Variants in MARCHF1 observed in about 807,000 individuals in gnomAD.
The protein encoded by MARCHF1 is E3 ubiquitin-protein ligase MARCHF1.
In MARCHF1, 40 loss-of-function variants were observed where a neutral mutation model predicts 54.2. The ratio of observed to expected loss-of-function variants is 0.74; its 90% confidence interval spans 0.57 to 0.96. The LOEUF (loss-of-function observed/expected upper bound fraction) is 0.96. Among genes scored for constraint, MARCHF1 ranks in the 40% least tolerant of loss-of-function variants. The pLI, the probability that MARCHF1 is intolerant of heterozygous loss-of-function variation, is 0.00. For synonymous variants in MARCHF1, 236 were observed against 236.3 expected (o/e 1.00, Z 0.01); for missense variants, 586 against 656.5 (o/e 0.89, Z 1.17).
At chr4:164,222,222 CCTTT>C (rs1732135128) in intron 1 of MARCHF1, among the ~76,000 whole-genome samples, 1 of 150,772 alleles carries the variant, frequency 6.6e-6, no homozygotes, top group Non-Finnish European at 1.5e-5. Context: ...CCTGTCAACA[CCTTT>C]TTTTTTTTTT....
Position 164,177,009 on chromosome 4 carries a change from T to TATATACATAC in MARCHF1, c.-322-65348_-322-65347insGTATGTATAT, listed in dbSNP as rs1553989397. 7.2e-5 allele frequency among the ~76,000 whole-genome samples: 4 copies of TATATACATAC among 55,576 alleles called. 1 individual carries two copies. The highest frequency in any genetic ancestry group is 2.0e-4 in the Admixed American group (1 of 4,896). 36.5% of individuals were successfully genotyped at this position (55,576 alleles called of 152,430 possible). A position where few individuals can be genotyped will look rare whatever the true frequency, so the allele number is the denominator to read the frequency against. On this transcript the variant is annotated intron_variant, in intron 1 of 9. Coordinates refer to ENST00000514618, the MANE Select transcript of MARCHF1 (RefSeq NM_001394959.1). ...ATATATATATATATATATATATATA[T>TATATACATAC]ACAAATGATAGAATTAGGCATGTTT...
At chr4:163,722,583 CT>C (rs2111295929) in intron 4 of MARCHF1, among the ~76,000 whole-genome samples, 1 of 152,248 alleles carries the variant, frequency 6.6e-6, no homozygotes, top group East Asian at 1.9e-4. Context: ...CCTGGATATC[CT>C]TGTTAACTTT....
At chr4:164,366,364 T>C (rs981287917) in intron 1 of MARCHF1, among the ~76,000 whole-genome samples, 6 of 152,046 alleles carry the variant, frequency 3.9e-5, no homozygotes, top group Admixed American at 1.3e-4. Context: ...TAGAAAAGAC[T>C]GTAGTGATAA....
intron 1 of MARCHF1, among the ~76,000 whole-genome samples, chr4:164,283,970 T>C (rs1366111490): frequency 6.6e-6 from 1 of 150,954 alleles, no homozygotes; most frequent in Admixed American, 6.7e-5. Context: ...CAAATGGTAC[T>C]TGTGGTTAAC....
intron 2 of MARCHF1, among the ~76,000 whole-genome samples, chr4:164,108,422 T>A (rs1446368853): frequency 1.3e-5 from 2 of 152,152 alleles, no homozygotes; most frequent in Non-Finnish European, 2.9e-5. Flanking sequence ...ATTCATTGTT[T>A]TTTTTTCTGC....
At chr4:163,848,252 A>G (rs536018626) in intron 4 of MARCHF1, among the ~76,000 whole-genome samples, 1 of 152,178 alleles carries the variant, frequency 6.6e-6, no homozygotes, top group South Asian at 2.1e-4. Flanking sequence ...CTCATCCTGG[A>G]ATATAATACA....
intron 8 of MARCHF1, chr4:163,584,363 T>C (rs1246315089): frequency 6.6e-6 from 1 of 152,110 alleles, no homozygotes; most frequent in Non-Finnish European, 1.5e-5. Flanking sequence ...ATGAAATAAT[T>C]TGTAGTTCCC....
chr4:164,137,299 G>C (rs1756422484), intron 1 of MARCHF1, among the ~76,000 whole-genome samples: 1 of 151,996 alleles, frequency 6.6e-6, no homozygotes, highest in Admixed American at 6.6e-5. Flanking sequence ...AGACAGCCTT[G>C]TTACTTACTA....
At chr4:163,683,656 A>C (rs2111172883) in intron 5 of MARCHF1, among the ~76,000 whole-genome samples, 1 of 152,234 alleles carries the variant, frequency 6.6e-6, no homozygotes, top group East Asian at 1.9e-4. Context: ...GTCCTTAACA[A>C]AATCAGGTCT....
intron 1 of MARCHF1, among the ~76,000 whole-genome samples, chr4:164,259,592 A>G (rs1388770050): frequency 2.6e-5 from 4 of 151,358 alleles, no homozygotes; most frequent in Admixed American, 2.0e-4. Context: ...AAAAGAAAAA[A>G]AAAAGAAAAG....
At chr4:164,107,954 C>T (rs1213223761) in intron 2 of MARCHF1, among the ~76,000 whole-genome samples, 1 of 151,982 alleles carries the variant, frequency 6.6e-6, no homozygotes, top group Non-Finnish European at 1.5e-5. Flanking sequence ...CCTCCTCCAT[C>T]CTCTTTCTTA....
intron 4 of MARCHF1, among the ~76,000 whole-genome samples, chr4:163,707,818 C>A (rs1744993172): frequency 6.9e-6 from 1 of 145,094 alleles, no homozygotes; most frequent in South Asian, 2.2e-4. Context: ...AGAATCCCAG[C>A]AATAAAGATG....
chr4:163,584,786 C>T (rs1423372052), intron 8 of MARCHF1: 2 of 152,124 alleles, frequency 1.3e-5, no homozygotes, highest in Admixed American at 6.6e-5. Flanking sequence ...CATTCTGGAA[C>T]TCGTTGTGTT....
chr4:164,235,623 G>C (rs1470764248), intron 1 of MARCHF1, among the ~76,000 whole-genome samples: 1 of 152,102 alleles, frequency 6.6e-6, no homozygotes, highest in Admixed American at 6.6e-5. Flanking sequence ...TCTAAGTGAA[G>C]TAACACAGGA....
intron 2 of MARCHF1, among the ~76,000 whole-genome samples, chr4:163,999,207 T>C (rs1219049652): frequency 6.6e-6 from 1 of 151,550 alleles, no homozygotes; most frequent in East Asian, 1.9e-4. Context: ...AAACATGTTG[T>C]AGTTTATAAA....
At chr4:163,538,736 T>C (rs1260265806) in intron 9 of MARCHF1, among the ~76,000 whole-genome samples, 2 of 152,000 alleles carry the variant, frequency 1.3e-5, no homozygotes, top group Non-Finnish European at 2.9e-5. Flanking sequence ...CCACCTAAAC[T>C]CAGATAGCTA....
chr4:163,929,933 TTA>T (rs1490467487), intron 3 of MARCHF1, among the ~76,000 whole-genome samples: 12 of 58,946 alleles, frequency 2.0e-4, no homozygotes, highest in African/African-American at 6.5e-4. Context: ...ATATAATATA[TTA>T]TATATTTATA....
chr4:163,654,879 CTG>C (rs924954253), intron 5 of MARCHF1, among the ~76,000 whole-genome samples: 1 of 151,602 alleles, frequency 6.6e-6, no homozygotes, highest in African/African-American at 2.4e-5. Flanking sequence ...TATACATAAA[CTG>C]TGATTAGTCA....
intron 5 of MARCHF1, among the ~76,000 whole-genome samples, chr4:163,648,822 A>C (rs1263829364): frequency 6.6e-6 from 1 of 151,896 alleles, no homozygotes; most frequent in Non-Finnish European, 1.5e-5. Context: ...GTTTGAAAAA[A>C]CTGAAACATG....
Sources: allele counts gnomAD v4.1 joint callset (sites outside exome capture counted in the v4.1 genomes callset), GRCh38; gene constraint gnomAD v4.1.1; transcripts MANE v1.5; gene names NCBI Gene and HGNC (gene_info 2026-07-23, HGNC 2026-07-21).